Variants in SCAPER observed in about 807,000 individuals in gnomAD.
SCAPER encodes S phase cyclin A-associated protein in the endoplasmic reticulum.
In SCAPER, 98 loss-of-function variants were observed where a neutral mutation model predicts 182.2. That is an observed-to-expected ratio of 0.54 (90% CI 0.46 to 0.64). The LOEUF (loss-of-function observed/expected upper bound fraction) is 0.64. Ranked by LOEUF, SCAPER falls within the 30% of genes least tolerant of loss-of-function variation. SCAPER has a pLI of 0.00. For missense variants in SCAPER, 1,432 were observed against 1,690.0 expected (o/e 0.85, Z 2.68); for synonymous variants, 605 against 564.6 (o/e 1.07, Z -1.01).
At chr15:76,448,743 A>G (rs1236417540) in intron 25 of SCAPER, among the ~76,000 whole-genome samples, 1 of 152,216 alleles carries the variant, frequency 6.6e-6, no homozygotes, top group Non-Finnish European at 1.5e-5. Context: ...GAGACTTTCA[A>G]CTTAGAATCT....
intron 23 of SCAPER, 28 bp downstream of exon 23, chr15:76,574,130 G>T (rs1334007092): frequency 1.9e-6 from 3 of 1,578,886 alleles, no homozygotes; most frequent in East Asian, 4.5e-5. Context: ...AAAGATTAAG[G>T]TTCAAAAGCC....
At chr15:76,393,500 T>C (rs942493609) in intron 27 of SCAPER, among the ~76,000 whole-genome samples, 2 of 152,182 alleles carry the variant, frequency 1.3e-5, no homozygotes, top group African/African-American at 2.4e-5. Context: ...GCAGAGAGAA[T>C]AGAAGGCAGC....
intron 25 of SCAPER, among the ~76,000 whole-genome samples, chr15:76,468,660 A>G (rs1041827827): frequency 1.3e-5 from 2 of 152,134 alleles, no homozygotes; most frequent in Admixed American, 6.6e-5. Context: ...GGATCACTGA[A>G]TATCTTTCTC....
chr15:76,809,338 A>G (rs913180361), intron 5 of SCAPER, among the ~76,000 whole-genome samples: 1 of 152,226 alleles, frequency 6.6e-6, no homozygotes, highest in African/African-American at 2.4e-5. Context: ...TCAAAAGAAC[A>G]GTCATAAAGA....
At chr15:76,387,292 GC>G (rs1216131583) in intron 27 of SCAPER, among the ~76,000 whole-genome samples, 2 of 152,208 alleles carry the variant, frequency 1.3e-5, no homozygotes, top group Non-Finnish European at 2.9e-5. Context: ...AATGTGAGAT[GC>G]CTATTATACA....
rs757644260 is a variant in SCAPER, at chr15:76,771,920, G to C, written c.1070C>G (p.Ser357Cys). The C allele has an allele frequency of 1.9e-6, 3 of 1,611,862 alleles. No individual in the cohort carries two copies. Among genetic ancestry groups the C allele is most frequent in the Non-Finnish European group, 2.5e-6 (3 of 1,179,210 alleles). Reference sequence around the variant, plus strand: ...AACATAATTGTCTCGAATACTGCCAGAATTCTTCACATCATCCAATGTACT... The same window carrying C: ...AACATAATTGTCTCGAATACTGCCACAATTCTTCACATCATCCAATGTACT... ...TVSTLDDVKN[S>C]GSIRDNYVRT... Residue 357 changes from serine (S) to cysteine (C), a missense_variant, in exon 10 of 32, where the codon TCT becomes TGT. Ser to Cys is a moderately radical substitution (Grantham distance 112). This residue lies in a region of SCAPER where 480 missense variants were observed against 510.2 expected (regional missense o/e 0.94). Transcript: ENST00000563290.
chr15:76,388,290 TC>T (rs1374915939), intron 27 of SCAPER, among the ~76,000 whole-genome samples: 1 of 152,060 alleles, frequency 6.6e-6, no homozygotes, highest in Non-Finnish European at 1.5e-5. Context: ...ATGAAATAAA[TC>T]TATGGAAAAT....
chr15:76,673,127 A>C (rs1428603736), intron 20 of SCAPER, among the ~76,000 whole-genome samples: 1 of 152,184 alleles, frequency 6.6e-6, no homozygotes, highest in East Asian at 1.9e-4. Flanking sequence ...ACTTTCAAGC[A>C]AGAAAAGCAC....
Position 76,349,109 on chromosome 15 carries a change from C to A in SCAPER, c.4100-373G>T, listed in dbSNP as rs117291807. On this transcript the variant is annotated intron_variant, in intron 31 of 31. Coordinates refer to ENST00000563290, the MANE Select transcript of SCAPER (RefSeq NM_020843.4). ...GGCTGAAGTCGGGGGAATGCTTGAG[C>A]CCAGGAGTTAGAGGCTATAGTTTGC... 5.7e-3 allele frequency: 906 copies of A among 157,782 alleles called. 3 individuals are homozygous for A. The highest frequency in any genetic ancestry group is 0.02 in the Middle Eastern group (6 of 306). The allele number at this position is 157,782 out of a possible 1,614,324, so 9.8% of individuals were successfully genotyped here. A position where few individuals can be genotyped will look rare whatever the true frequency, so the allele number is the denominator to read the frequency against.
chr15:76,840,758 A>G (rs1472151764), intron 5 of SCAPER, among the ~76,000 whole-genome samples: 1 of 152,242 alleles, frequency 6.6e-6, no homozygotes, highest in African/African-American at 2.4e-5. Context: ...AAATAGTTTT[A>G]TTCAGTAAAA....
At chr15:76,550,827 C>T (rs2045705217) in intron 23 of SCAPER, among the ~76,000 whole-genome samples, 1 of 152,124 alleles carries the variant, frequency 6.6e-6, no homozygotes, top group African/African-American at 2.4e-5. Flanking sequence ...TAAAAGCACC[C>T]CTATTTCTCT....
At chr15:76,406,402 C>T (rs191158349) in intron 26 of SCAPER, among the ~76,000 whole-genome samples, 2 of 152,006 alleles carry the variant, frequency 1.3e-5, no homozygotes, top group East Asian at 1.9e-4. Context: ...CGCTTGAACC[C>T]GGGAAGTCGA....
intron 3 of SCAPER, among the ~76,000 whole-genome samples, chr15:76,860,359 T>C (rs755563398): frequency 6.6e-6 from 1 of 152,210 alleles, no homozygotes; most frequent in East Asian, 1.9e-4. Flanking sequence ...AGAAGCTGAA[T>C]TTCAAAAGAT....
chr15:76,627,454 C>T (rs1157728452), intron 21 of SCAPER, among the ~76,000 whole-genome samples: 3 of 152,140 alleles, frequency 2.0e-5, no homozygotes, highest in African/African-American at 7.2e-5. Flanking sequence ...GAACCACACC[C>T]CCTGACAGGC....
intron 10 of SCAPER, among the ~76,000 whole-genome samples, chr15:76,770,073 A>C (rs2063368059): frequency 6.6e-6 from 1 of 152,112 alleles, no homozygotes; most frequent in Non-Finnish European, 1.5e-5. Context: ...ATGAAGCTGG[A>C]AACCATCATT....
intron 17 of SCAPER, among the ~76,000 whole-genome samples, chr15:76,713,222 G>A (rs890581925): frequency 1.3e-5 from 2 of 151,974 alleles, no homozygotes; most frequent in Admixed American, 6.6e-5. Context: ...TCAGTGTGGC[G>A]ATTCCTCAGG....
intron 2 of SCAPER, among the ~76,000 whole-genome samples, chr15:76,870,801 A>T (rs1426434531): frequency 6.6e-6 from 1 of 152,164 alleles, no homozygotes; most frequent in Non-Finnish European, 1.5e-5. Context: ...GGATTAGAGC[A>T]CATAAAGGCT....
chr15:76,541,145 T>C (rs1304057621), intron 23 of SCAPER, among the ~76,000 whole-genome samples: 1 of 151,912 alleles, frequency 6.6e-6, no homozygotes, highest in Non-Finnish European at 1.5e-5. Flanking sequence ...AAACCATGTT[T>C]GTGAGGAATG....
At chr15:76,800,080 T>C (rs995401188) in intron 7 of SCAPER, among the ~76,000 whole-genome samples, 168 bp downstream of exon 7, 3 of 135,636 alleles carry the variant, frequency 2.2e-5, no homozygotes, top group Non-Finnish European at 3.4e-5. Flanking sequence ...CTCCCCGGGA[T>C]TGCTAACCAA....
Sources: allele counts gnomAD v4.1 joint callset (sites outside exome capture counted in the v4.1 genomes callset), GRCh38; gene constraint gnomAD v4.1.1; regional missense constraint gnomAD v4.1.1; transcripts MANE v1.5; gene names NCBI Gene and HGNC (gene_info 2026-07-23, HGNC 2026-07-21).